MEIOSIN: variants seen among roughly 807,000 people sequenced by gnomAD.
MEIOSIN encodes the protein meiosis initiator, also known as meiosis initiator protein.
Under a neutral mutation model 23.4 loss-of-function variants are expected in MEIOSIN, and 18 were observed. The observed-to-expected ratio is 0.77, with a 90% CI of 0.53 to 1.14. The LOEUF (loss-of-function observed/expected upper bound fraction) is 1.14. Ranked by LOEUF, MEIOSIN falls within the 50% of genes most tolerant of loss-of-function variation. The pLI is 0.00. For synonymous variants in MEIOSIN, 187 were observed against 100.6 expected, an observed-to-expected ratio of 1.86 and a Z score of -5.14; for missense variants, 428 against 242.9, an observed-to-expected ratio of 1.76 and a Z score of -5.07.
At chr19:45,744,137 G>A (rs190795013) in intron 3 of MEIOSIN, among the ~76,000 whole-genome samples, 4 of 148,998 alleles carry the variant, frequency 2.7e-5, no homozygotes, top group East Asian at 4.0e-4. Context: ...AGCAATTCTC[G>A]TGCCTCAGCC....
intron 4 of MEIOSIN, 147 bp downstream of exon 4, chr19:45,745,468 G>C: frequency 1.7e-6 from 1 of 578,540 alleles, no homozygotes. Flanking sequence ...GGGAATTTCC[G>C]GGAGTCTGTG....
intron 1 of MEIOSIN, among the ~76,000 whole-genome samples, chr19:45,734,828 T>G (rs893650315): frequency 1.3e-5 from 2 of 151,934 alleles, no homozygotes; most frequent in African/African-American, 4.8e-5. Flanking sequence ...AAAGTGAGGA[T>G]TTAGGTCCTC....
In MEIOSIN at chr19:45,761,764, C is replaced by T. The variant is rs764902671; in HGVS notation, c.1331C>T (p.Ser444Leu). 16 of 702,396 alleles carry T rather than the reference C, an allele frequency of 2.3e-5. No individual in the cohort carries two copies. The highest frequency in any genetic ancestry group is 1.4e-4 in the African/African-American group (8 of 57,014). The allele number at this position is 702,396 out of a possible 1,614,324, so 43.5% of individuals were successfully genotyped here. The change falls in exon 12 of 15, where the codon TCG becomes TTG. Residue 444 changes from serine (S) to leucine (L), a missense_variant. Physicochemically the swap from Ser to Leu is moderately radical, Grantham distance 145 (BLOSUM62 -2). Coordinates refer to ENST00000457052, the MANE Select transcript of MEIOSIN (RefSeq NM_001310124.2). Reference sequence around the variant, plus strand: ...GTCTCGCTGGACCACTGCTACCTCTCGCTGAGCGGGAACAGCAAGGCGCCA... The same window carrying T: ...GTCTCGCTGGACCACTGCTACCTCTTGCTGAGCGGGAACAGCAAGGCGCCA... Reference protein sequence around the residue: ...SSVSLDHCYLSLSGNSKAPSS... With the variant: ...SSVSLDHCYLLLSGNSKAPSS...
intron 4 of MEIOSIN, among the ~76,000 whole-genome samples, chr19:45,750,360 CTTTT>C (rs11295860): frequency 2.0e-5 from 2 of 98,520 alleles, no homozygotes; most frequent in Admixed American, 1.2e-4. Flanking sequence ...TTTTCTTTTT[CTTTT>C]TTTTTTTTTT....
chr19:45,737,790 G>T (rs1336320371), intron 2 of MEIOSIN, among the ~76,000 whole-genome samples: 11 of 151,756 alleles, frequency 7.2e-5, no homozygotes, highest in Admixed American at 7.2e-4. Context: ...AAAATTAGCT[G>T]GGCATGATAT....
chr19:45,758,959 C>G lies in MEIOSIN; in HGVS notation c.1094C>G (p.Pro365Arg), dbSNP rs1968890167. ...CCAAGTGAGATCCTCGGGCTCAGCC[C>G]TAGCCTTTTCAGCTCCCCAGGGAAA... is the stretch of plus-strand genomic sequence containing the variant. ...GHPSEILGLS[P>R]SLFSSPGKLL... The change falls in exon 10 of 15, where the codon CCT (proline) becomes CGT (arginine). Residue 365 changes from proline to arginine, a missense_variant. Pro to Arg is a moderately radical substitution (Grantham distance 103). Transcript: ENST00000457052. 2.8e-6 allele frequency: 2 copies of G among 703,006 alleles called. No individual in the cohort carries two copies. The highest frequency in any genetic ancestry group is 2.7e-5 in the East Asian group (1 of 37,308). 43.5% of individuals were successfully genotyped at this position (703,006 alleles called of 1,614,324 possible). A position where few individuals can be genotyped will look rare whatever the true frequency, so the allele number is the denominator to read the frequency against.
At chr19:45,747,610 G>A (rs1448990433) in intron 4 of MEIOSIN, among the ~76,000 whole-genome samples, 2 of 152,202 alleles carry the variant, frequency 1.3e-5, no homozygotes, top group Non-Finnish European at 2.9e-5. Context: ...AACTTACTGA[G>A]CGTTCCAGGT....
At chr19:45,751,255 G>A (rs1250478021) in intron 5 of MEIOSIN, among the ~76,000 whole-genome samples, 2 of 144,870 alleles carry the variant, frequency 1.4e-5, no homozygotes, top group Admixed American at 7.2e-5. Context: ...CTGGGCAACA[G>A]AGCAAGACTG....
rs114355828 is a variant in MEIOSIN, at chr19:45,748,629, A to G, written c.307-2046A>G. Among the ~76,000 whole-genome samples the G allele has an allele frequency of 3.3e-3, 498 of 152,294 alleles. 2 individuals carry two copies. The highest frequency in any genetic ancestry group is 1.0e-2 in the African/African-American group (415 of 41,564). ...TGAGGCATCTGTCTTGAAATCTGGG[A>G]TGATGCCCAATTGCTTTCTACATAC... is the stretch of plus-strand genomic sequence containing the variant. On this transcript the variant is annotated intron_variant, in intron 4 of 14. Transcript: ENST00000457052.
chr19:45,763,537 G>A (rs1044698742), intron 14 of MEIOSIN, 110 bp downstream of exon 14: 9 of 397,542 alleles, frequency 2.3e-5, no homozygotes, highest in Admixed American at 4.4e-5. Context: ...AGACTGGGCC[G>A]AGGAATTTGC....
At chr19:45,759,887 C>T (rs1417153014) in intron 11 of MEIOSIN, among the ~76,000 whole-genome samples, 8 of 152,074 alleles carry the variant, frequency 5.3e-5, no homozygotes, top group African/African-American at 1.9e-4. Context: ...CTGTAACCTC[C>T]GCCTCCCGGG....
chr19:45,749,883 A>G (rs1968665780), intron 4 of MEIOSIN, among the ~76,000 whole-genome samples: 1 of 151,102 alleles, frequency 6.6e-6, no homozygotes, highest in Admixed American at 6.6e-5. Context: ...ACGCACCTCT[A>G]GTCCCAGCTA....
intron 4 of MEIOSIN, among the ~76,000 whole-genome samples, chr19:45,748,221 G>C (rs1209813417): frequency 1.3e-5 from 2 of 152,132 alleles, no homozygotes; most frequent in African/African-American, 4.8e-5. Context: ...GGGACTACAG[G>C]TGCCCGCCAC....
chr19:45,752,013 G>A (rs1968721591), intron 5 of MEIOSIN, among the ~76,000 whole-genome samples: 5 of 143,180 alleles, frequency 3.5e-5, no homozygotes, highest in Admixed American at 2.9e-4. Flanking sequence ...GATTACAGCT[G>A]TGAGCCCCTG....
At chr19:45,758,027 C>G (rs183732539) in intron 9 of MEIOSIN, among the ~76,000 whole-genome samples, 8 of 149,538 alleles carry the variant, frequency 5.3e-5, no homozygotes, top group Non-Finnish European at 7.4e-5. Flanking sequence ...GACGGAGTTT[C>G]ACTCTTGTCT....
At chr19:45,757,552 A>G (rs1696548420) in intron 9 of MEIOSIN, among the ~76,000 whole-genome samples, 2 of 152,014 alleles carry the variant, frequency 1.3e-5, no homozygotes, top group East Asian at 3.9e-4. Flanking sequence ...ATAGGGTTTC[A>G]CTCTGTCGTC....
At chr19:45,754,880 G>T (rs916288450) in intron 7 of MEIOSIN, among the ~76,000 whole-genome samples, 156 bp downstream of exon 7, 6 of 152,224 alleles carry the variant, frequency 3.9e-5, no homozygotes, top group African/African-American at 7.2e-5. Flanking sequence ...TGCTCTGGTG[G>T]TCTTCATCTC....
Position 45,752,033 on chromosome 19 carries a change from G to GT in MEIOSIN, c.418+1268dup, listed in dbSNP as rs36122176. Among the ~76,000 whole-genome samples, 353 of 64,092 alleles carry GT rather than the reference G, an allele frequency of 5.5e-3. 8 individuals are homozygous for GT. Among genetic ancestry groups the GT allele is most frequent in the Middle Eastern group, 0.012 (1 of 84 alleles). 42.0% of individuals were successfully genotyped at this position (64,092 alleles called of 152,430 possible). A position where few individuals can be genotyped will look rare whatever the true frequency, so the allele number is the denominator to read the frequency against. ...CAGCTGTGAGCCCCTGCTCCTAGCCGTTTTTTTTTTTTTTTTTTTTTGAGA... is the reference window on the plus strand; with the variant it reads ...CAGCTGTGAGCCCCTGCTCCTAGCCGTTTTTTTTTTTTTTTTTTTTTTGAGA... On this transcript the variant is annotated intron_variant, in intron 5 of 14. Coordinates refer to ENST00000457052, the MANE Select transcript of MEIOSIN (RefSeq NM_001310124.2).
intron 5 of MEIOSIN, among the ~76,000 whole-genome samples, chr19:45,752,040 T>G (rs999197959): frequency 1.9e-4 from 28 of 145,710 alleles, no homozygotes; most frequent in Non-Finnish European, 3.2e-4. Flanking sequence ...GCCGTTTTTT[T>G]TTTTTTTTTT....
Sources: allele counts gnomAD v4.1 joint callset (sites outside exome capture counted in the v4.1 genomes callset), GRCh38; gene constraint gnomAD v4.1.1; transcripts MANE v1.5; gene names NCBI Gene and HGNC (gene_info 2026-07-23, HGNC 2026-07-21).